Variants in SMPD4 observed in about 807,000 individuals in gnomAD.
SMPD4 encodes the protein neutral sphingomyelinase 3.
A neutral mutation model predicts 97.8 loss-of-function variants in SMPD4; 58 were observed. The ratio of observed to expected loss-of-function variants is 0.59; its 90% CI spans 0.48 to 0.74. The LOEUF (loss-of-function observed/expected upper bound fraction) is 0.74. Among genes scored for constraint, SMPD4 ranks in the 30% least tolerant of loss-of-function variants. The probability of loss-of-function intolerance (pLI) is 0.00; values close to 1 mark genes in which losing one functional copy is unlikely to be tolerated. For synonymous variants in SMPD4, 388 were observed against 450.0 expected (o/e 0.86, Z 1.74); for missense variants, 853 against 1,080.5 (o/e 0.79, Z 2.95).
At position 130,169,134 on chromosome 2, in the gene SMPD4, C is replaced by T. The variant is rs78979759; in HGVS notation, c.660-1544G>A. Among the ~76,000 whole-genome samples, 120 of 149,228 alleles carry T rather than the reference C, an allele frequency of 8.0e-4. No individual in the cohort carries two copies. In the Middle Eastern group the frequency reaches 0.01, roughly 13 times the overall value. Reference sequence around the variant, plus strand: ...CTGGCAAGGACCAGGTGTCCCACTACGGTGCTCCTCCCAACAAAGCCCATG... The same window carrying T: ...CTGGCAAGGACCAGGTGTCCCACTATGGTGCTCCTCCCAACAAAGCCCATG... On this transcript the variant is annotated intron_variant, in intron 8 of 19. Coordinates refer to ENST00000680298, the MANE Select transcript of SMPD4 (RefSeq NM_017951.5).
At position 130,154,376 on chromosome 2, in the gene SMPD4, C is replaced by T. The variant is rs769371502; in HGVS notation, c.1560G>A (p.Ala520=). 57 of 1,610,490 alleles carry T rather than the reference C, an allele frequency of 3.5e-5. 1 individual carries two copies. In the Middle Eastern group the frequency reaches 8.9e-4, roughly 25 times the overall value. Reference sequence around the variant, plus strand: ...TCACCTTGAAGGAGGCATCAGTGACCGCTGGTGGCCAGGGTGACAGGAAGC... The same window carrying T: ...TCACCTTGAAGGAGGCATCAGTGACTGCTGGTGGCCAGGGTGACAGGAAGC... ...TGSFLSPWPP[A]VTDASFKVKS... Residue 520 remains alanine (A), a synonymous_variant, in exon 16 of 20, where the codon GCG becomes GCA. Transcript: ENST00000680298.
chr2:130,156,424 T>C, intron 13 of SMPD4, 161 bp downstream of exon 13: 1 of 792,860 alleles, frequency 1.3e-6, no homozygotes, highest in South Asian at 1.8e-5. Context: ...AGGGCTGGCT[T>C]TGGAAACTCA....
chr2:130,163,206 C>T (rs1488793033), intron 10 of SMPD4, among the ~76,000 whole-genome samples: 2 of 152,244 alleles, frequency 1.3e-5, no homozygotes, highest in Non-Finnish European at 2.9e-5. Context: ...GGAGCAGGCT[C>T]AGGGAATAAC....
Position 130,155,262 on chromosome 2 carries a change from G to A in SMPD4, c.1290-3C>T. 6.2e-7 allele frequency: 1 copy of A among 1,613,980 alleles called. No individual in the cohort carries two copies. Among genetic ancestry groups the A allele is most frequent in the Non-Finnish European group, 8.5e-7 (1 of 1,179,966 alleles). ...GGTTCTCCTGGACAAAGGGTGCCCT[G>A]GGGACCGAGGTGGCAGGTTGGGGCC... On this transcript the variant is annotated splice_polypyrimidine_tract_variant and splice_region_variant and intron_variant, in intron 14 of 19. Coordinates refer to ENST00000680298, the MANE Select transcript of SMPD4 (RefSeq NM_017951.5).
chr2:130,153,046 G>A lies in SMPD4; in HGVS notation c.2151C>T (p.His717=), dbSNP rs1279272368. ...TLFRLSSAIN[H]RFAGQMAALC... is the part of the protein sequence containing the mutation. ...GCCAGCCCTCCTGCCCACTCACTCT[G>A]TGGTTGATGGCAGACGACAGCCTAA... is the stretch of plus-strand genomic sequence containing the variant. Residue 717 remains histidine, a synonymous_variant, in exon 19 of 20, where the codon CAC becomes CAT. Coordinates refer to ENST00000680298, the MANE Select transcript of SMPD4 (RefSeq NM_017951.5). The A allele has an allele frequency of 6.2e-7, 1 of 1,610,880 alleles. No homozygotes were observed. The highest frequency in any genetic ancestry group is 1.7e-5 in the Admixed American group (1 of 59,558).
intron 11 of SMPD4, 29 bp from the exon 12 acceptor site, chr2:130,157,425 G>A: frequency 6.2e-7 from 1 of 1,610,566 alleles, no homozygotes; most frequent in Non-Finnish European, 8.5e-7. Context: ...GTGAGGGCCT[G>A]GGAAGGAGCG....
chr2:130,152,818 G>C lies in SMPD4; in HGVS notation c.2221C>G (p.Leu741Val). Residue 741 changes from leucine to valine, a missense_variant, in exon 20 of 20, where the codon CTC (leucine) becomes GTC (valine). By Grantham distance (32) the Leu-to-Val change is conservative. Around this residue, in one of 3 missense-constraint regions of SMPD4, gnomAD observed 511 missense variants for 608.1 expected, o/e 0.84. Coordinates refer to ENST00000680298, the MANE Select transcript of SMPD4 (RefSeq NM_017951.5). ...DFLGSFCRYH[L>V]TEPGLASRHL... ...CTGCTGGCCAGCCCAGGTTCTGTGAGGTGGTAGCGACAGAAGCTGCCGAGG... is the reference window on the plus strand; with the variant it reads ...CTGCTGGCCAGCCCAGGTTCTGTGACGTGGTAGCGACAGAAGCTGCCGAGG... 2 of 1,607,232 alleles carry C rather than the reference G, an allele frequency of 1.2e-6. No homozygotes were observed. Among genetic ancestry groups the C allele is most frequent in the African/African-American group, 1.3e-5 (1 of 74,870 alleles).
intron 3 of SMPD4, 71 bp downstream of exon 3, chr2:130,174,843 A>C: frequency 1.7e-6 from 2 of 1,182,562 alleles, no homozygotes; most frequent in Non-Finnish European, 2.5e-6. Context: ...GAGGGAAATT[A>C]GGAATTATAA....
At chr2:130,174,873 T>C (rs1688821321) in intron 3 of SMPD4, 41 bp downstream of exon 3, 3 of 1,424,208 alleles carry the variant, frequency 2.1e-6, no homozygotes, top group Admixed American at 1.7e-5. Flanking sequence ...TCAACGAATG[T>C]ATAAGACATG....
chr2:130,176,764 T>G (rs773327516), intron 1 of SMPD4, 127 bp from the exon 2 acceptor site: 6 of 687,630 alleles, frequency 8.7e-6, no homozygotes, highest in Middle Eastern at 3.3e-4. Context: ...CATAGCTCAC[T>G]GCAACCTCAA....
chr2:130,158,306 A>G, intron 11 of SMPD4: 1 of 1,217,792 alleles, frequency 8.2e-7, no homozygotes, highest in Non-Finnish European at 1.1e-6. Flanking sequence ...ACAGTCAAGC[A>G]TATTAGGCCA....
chr2:130,159,135 C>T (rs942297928), intron 11 of SMPD4, among the ~76,000 whole-genome samples: 4 of 152,124 alleles, frequency 2.6e-5, no homozygotes, highest in African/African-American at 9.7e-5. Context: ...GCTGGGAACA[C>T]AGGCGCACAC....
rs932638581 is a variant in SMPD4 at position 130,152,549 on chromosome 2, A to C, written c.*6T>G. The C allele has an allele frequency of 2.0e-5, 31 of 1,541,628 alleles. No individual in the cohort carries two copies. The highest frequency in any genetic ancestry group is 5.5e-5 in the African/African-American group (4 of 72,808). ...CTCCAGCCTGCTCTGAAGGCAGCTG[A>C]CACCTTCAGGGCTGGTGCAGCTTCC... is the stretch of plus-strand genomic sequence containing the variant. On this transcript the variant is annotated 3_prime_UTR_variant, in exon 20 of 20. Coordinates refer to ENST00000680298, the MANE Select transcript of SMPD4 (RefSeq NM_017951.5).
At position 130,156,569 on chromosome 2, in the gene SMPD4, C is replaced by T. The variant is rs776650269; in HGVS notation, c.1188+16G>A. ...ACAGAGGACACAGGCACACGTGTGA[C>T]GGGGCCAACACTCACAGCTCTGAAC... On this transcript the variant is annotated intron_variant, in intron 13 of 19. Transcript: ENST00000680298. 4.5e-5 allele frequency: 73 copies of T among 1,609,942 alleles called. No homozygotes were observed. The highest frequency in any genetic ancestry group is 3.2e-4 in the South Asian group (29 of 90,484).
chr2:130,154,294 G>A lies in SMPD4; in HGVS notation c.1642C>T (p.Pro548Ser), dbSNP rs778247960. 44 of 1,606,640 alleles carry A rather than the reference G, an allele frequency of 2.7e-5. No individual in the cohort carries two copies. Among genetic ancestry groups the A allele is most frequent in the Non-Finnish European group, 3.5e-5 (41 of 1,176,166 alleles). Residue 548 changes from proline (P) to serine (S), a missense_variant, in exon 16 of 20, where the codon CCC becomes TCC. Coordinates refer to ENST00000680298, the MANE Select transcript of SMPD4 (RefSeq NM_017951.5). ...QDCKYTPMFG[P>S]EARTLVLRLA... ...CCACTCACCAGGGTGCGGGCCTCGG[G>A]CCCAAACATCGGGGTGTACTTGCAG... is the stretch of plus-strand genomic sequence containing the variant.
At position 130,172,495 on chromosome 2, in the gene SMPD4, A is replaced by C. The variant is rs569657548; in HGVS notation, c.513T>G (p.Leu171=). 2.5e-6 allele frequency: 4 copies of C among 1,611,196 alleles called. No individual in the cohort carries two copies. Among genetic ancestry groups the C allele is most frequent in the East Asian group, 4.5e-5 (2 of 44,810 alleles). ...FALSLITQKP[L]PVSLHVRTSD... ...AAGTACGGACGTGGAGGGACACAGG[A>C]AGTGGCTGGAAAACCAAGCTAGTTG... The change falls in exon 8 of 20, where the codon CTT becomes CTG. Residue 171 remains leucine (L), a synonymous_variant. Transcript: ENST00000680298.
Position 130,152,486 on chromosome 2 carries a change from G to A in SMPD4, c.*69C>T, listed in dbSNP as rs1686324155. The A allele has an allele frequency of 7.0e-7, 1 of 1,426,702 alleles. No homozygotes were observed. Among genetic ancestry groups the A allele is most frequent in the Admixed American group, 2.5e-5 (1 of 40,212 alleles). The allele number at this position is 1,426,702 out of a possible 1,614,324, so 88.4% of individuals were successfully genotyped here. A position where few individuals can be genotyped will look rare whatever the true frequency, so the allele number is the denominator to read the frequency against. On this transcript the variant is annotated 3_prime_UTR_variant, in exon 20 of 20. Transcript: ENST00000680298. ...GTTCCCTCCTGGAGGGGCTTCCCAG[G>A]TCCTCTCAGCCCAAGGGTGGGGCTG...
chr2:130,159,676 G>A (rs1266523137), intron 11 of SMPD4: 1 of 151,846 alleles, frequency 6.6e-6, no homozygotes, highest in Non-Finnish European at 1.5e-5. Flanking sequence ...AAAAGTATGA[G>A]ACATAATACC....
chr2:130,181,074 A>C lies in SMPD4; in HGVS notation c.-46+456T>G, dbSNP rs567891249. Among the ~76,000 whole-genome samples the C allele has an allele frequency of 4.5e-4, 68 of 152,278 alleles. 1 individual carries two copies. In the South Asian group the frequency reaches 0.012, roughly 28 times the overall value. ...ATTCTGTCATGCCAAGACCTCCCTTAACAGCACGCGCCCACTTGTTCCCAA... is the reference window on the plus strand; with the variant it reads ...ATTCTGTCATGCCAAGACCTCCCTTCACAGCACGCGCCCACTTGTTCCCAA... On this transcript the variant is annotated intron_variant, in intron 1 of 19. Coordinates refer to ENST00000680298, the MANE Select transcript of SMPD4 (RefSeq NM_017951.5).
Sources: allele counts gnomAD v4.1 joint callset (sites outside exome capture counted in the v4.1 genomes callset), GRCh38; gene constraint gnomAD v4.1.1; regional missense constraint gnomAD v4.1.1; transcripts MANE v1.5; gene names NCBI Gene and HGNC (gene_info 2026-07-23, HGNC 2026-07-21).